LLGL2: variants seen among roughly 807,000 people sequenced by gnomAD.
LLGL2 encodes the protein LLGL scribble cell polarity complex component 2.
Under a neutral mutation model 123.2 loss-of-function variants are expected in LLGL2, and 81 were observed. That is an observed-to-expected ratio of 0.66 (90% CI 0.55 to 0.79). The LOEUF (loss-of-function observed/expected upper bound fraction) is 0.79. Ranked by LOEUF, LLGL2 falls within the 30% of genes least tolerant of loss-of-function variation. The pLI, the probability that LLGL2 is intolerant of heterozygous loss-of-function variation, is 0.00. For missense variants in LLGL2, 1,273 were observed against 1,414.6 expected, an observed-to-expected ratio of 0.90 and a Z score of 1.61; for synonymous variants, 577 against 594.1, an observed-to-expected ratio of 0.97 and a Z score of 0.42.
intron 2 of LLGL2, among the ~76,000 whole-genome samples, chr17:75,550,271 G>C (rs1433376671): frequency 6.6e-6 from 1 of 152,206 alleles, no homozygotes; most frequent in Non-Finnish European, 1.5e-5. Context: ...AGGCAGCCCT[G>C]GGGCTGAGCC....
chr17:75,539,423 T>TA (rs1308009962), intron 1 of LLGL2, among the ~76,000 whole-genome samples: 1 of 151,022 alleles, frequency 6.6e-6, no homozygotes, highest in African/African-American at 2.5e-5. Context: ...CTTTTTTTTT[T>TA]AGAGACAGGG....
intron 1 of LLGL2, among the ~76,000 whole-genome samples, chr17:75,540,526 G>T (rs1404766742): frequency 6.6e-6 from 1 of 152,200 alleles, no homozygotes; most frequent in East Asian, 1.9e-4. Context: ...CCAGCACCCT[G>T]TCAGCAGCGG....
chr17:75,562,390 C>T (rs2055260340), intron 6 of LLGL2: 1 of 155,012 alleles, frequency 6.5e-6, no homozygotes, highest in Non-Finnish European at 1.4e-5. Flanking sequence ...CTCCGGAGGT[C>T]TTATGCACCC....
chr17:75,549,337 T>A lies in LLGL2; in HGVS notation c.75+5836T>A, dbSNP rs2054564239. On this transcript the variant is annotated intron_variant, in intron 2 of 25. Transcript: ENST00000392550. The surrounding 1 kb of genome is among the most constrained non-coding windows in gnomAD (Gnocchi z 4.0). The stretch of plus-strand genomic sequence containing the variant: ...AGACAACTGCTCACAGCCAGCTCGC[T>A]CCCCTCGGCCAAACCCAGGCACACC... Among the ~76,000 whole-genome samples, 1 of 152,034 alleles carries A rather than the reference T, an allele frequency of 6.6e-6. No homozygotes were observed. The highest frequency in any genetic ancestry group is 2.1e-4 in the South Asian group (1 of 4,824).
At chr17:75,571,143 A>G (rs1328707073) in intron 17 of LLGL2, 43 bp downstream of exon 17, 2 of 1,531,368 alleles carry the variant, frequency 1.3e-6, no homozygotes, top group African/African-American at 2.7e-5. Context: ...GGTAGTGGGC[A>G]GCAGACACCC....
At chr17:75,552,753 G>A (rs114524736) in intron 2 of LLGL2, among the ~76,000 whole-genome samples, 2 of 152,186 alleles carry the variant, frequency 1.3e-5, no homozygotes, top group East Asian at 3.8e-4. Context: ...TCTAGAACCC[G>A]AGTTGTTCCA....
In LLGL2 at chr17:75,543,215, C is replaced by T. The variant is rs150206008; in HGVS notation, c.-30-182C>T. Reference sequence around the variant, plus strand: ...GACAGCCTTCAGCCCTGAGGTGGGCCGGCCTCTAGATCTGAGCGTGGGGAA... The same window carrying T: ...GACAGCCTTCAGCCCTGAGGTGGGCTGGCCTCTAGATCTGAGCGTGGGGAA... On this transcript the variant is annotated intron_variant, in intron 1 of 25. Coordinates refer to ENST00000392550, the MANE Select transcript of LLGL2 (RefSeq NM_001031803.2). The T allele has an allele frequency of 5.4e-3, 2,111 of 390,872 alleles. 16 individuals are homozygous for T. Among genetic ancestry groups the T allele is most frequent in the Non-Finnish European group, 7.0e-3 (1,515 of 217,110 alleles). The allele number at this position is 390,872 out of a possible 1,614,324, so 24.2% of individuals were successfully genotyped here.
At chr17:75,567,980 T>A in intron 10 of LLGL2, 44 of 671,204 alleles carry the variant, frequency 6.6e-5, no homozygotes, top group Admixed American at 1.2e-4. Flanking sequence ...AATGGTTTAA[T>A]CATCCAGCGC....
At chr17:75,563,489 G>T in intron 8 of LLGL2, 26 bp downstream of exon 8, 1 of 1,609,452 alleles carries the variant, frequency 6.2e-7, no homozygotes. Flanking sequence ...GCCGGGCAGG[G>T]CCCACCCCCA....
In LLGL2 at chr17:75,574,746, T is replaced by G. The variant is rs2147613856; in HGVS notation, c.3055+78T>G. On this transcript the variant is annotated intron_variant, in intron 25 of 25. Transcript: ENST00000392550. ...AGGAAGAGCCCCGGCCCCACTCCCC[T>G]GGGTCCCACGGGGCTGACACGTGCC... 5.6e-6 allele frequency: 9 copies of G among 1,595,124 alleles called. No homozygotes were observed. The South Asian group carries it at 9.9e-5, about 18-fold the overall frequency.
At chr17:75,573,432 G>A in intron 20 of LLGL2, 49 bp from the exon 21 acceptor site, 1 of 1,586,680 alleles carries the variant, frequency 6.3e-7, no homozygotes, top group East Asian at 2.3e-5. Flanking sequence ...TGGGGAGGCA[G>A]CCTTGGCAGC....
At chr17:75,539,339 G>A (rs1439888749) in intron 1 of LLGL2, among the ~76,000 whole-genome samples, 2 of 152,018 alleles carry the variant, frequency 1.3e-5, no homozygotes, top group African/African-American at 2.4e-5. Context: ...TTACAAGCAT[G>A]AGCCACTGTG....
Position 75,564,530 on chromosome 17 carries a change from T to C in LLGL2, c.1036+23T>C, listed in dbSNP as rs370788459. On this transcript the variant is annotated intron_variant, in intron 10 of 25. Coordinates refer to ENST00000392550, the MANE Select transcript of LLGL2 (RefSeq NM_001031803.2). The surrounding 1 kb of genome is among the most constrained non-coding windows in gnomAD (Gnocchi z 4.9). ...CCAGTAGGAGAGCTTCGGGAGTGGG[T>C]GCCCAGGGTTAGGTGTGGGAGGCAT... The C allele has an allele frequency of 2.7e-5, 44 of 1,612,574 alleles. No individual in the cohort carries two copies. The highest frequency in any genetic ancestry group is 3.6e-5 in the Non-Finnish European group (43 of 1,179,762).
At position 75,572,212 on chromosome 17, in the gene LLGL2, G is replaced by A. The variant is rs540104287; in HGVS notation, c.2460+148G>A. 8.4e-6 allele frequency: 7 copies of A among 831,196 alleles called. 1 individual carries two copies. In the South Asian group the frequency reaches 1.2e-4, roughly 14 times the overall value. 51.5% of individuals were successfully genotyped at this position (831,196 alleles called of 1,614,324 possible). On this transcript the variant is annotated intron_variant, in intron 19 of 25. Coordinates refer to ENST00000392550, the MANE Select transcript of LLGL2 (RefSeq NM_001031803.2). ...GAAGTACAGGAAATAAGTGAGGGGG[G>A]AGTCTCGTGTGAGGACACTGAGGCA... is the stretch of plus-strand genomic sequence containing the variant.
chr17:75,532,076 A>ACACACACACC (rs2053813267), intron 1 of LLGL2, among the ~76,000 whole-genome samples: 1 of 112,176 alleles, frequency 8.9e-6, no homozygotes, highest in African/African-American at 3.2e-5. Context: ...ACACACACAC[A>ACACACACACC]CTTTTTTTTT....
intron 14 of LLGL2, 23 bp downstream of exon 14, chr17:75,569,348 G>C: frequency 6.3e-7 from 1 of 1,578,272 alleles, no homozygotes; most frequent in Non-Finnish European, 8.7e-7. Flanking sequence ...GCTGGGGAGG[G>C]GGAGCTGGGG....
At position 75,558,862 on chromosome 17, in the gene LLGL2, CCCCG is replaced by C. The variant is rs2055052200; in HGVS notation, c.371+238_371+241del. 4 of 251,010 alleles carry C rather than the reference CCCCG, an allele frequency of 1.6e-5. No homozygotes were observed. The Admixed American group carries it at 1.8e-4, about 11-fold the overall frequency. The allele number at this position is 251,010 out of a possible 1,614,324, so 15.5% of individuals were successfully genotyped here. On this transcript the variant is annotated intron_variant, in intron 5 of 25. Transcript: ENST00000392550. This position sits in a 1 kb window ranked among gnomAD's most constrained non-coding sequence, Gnocchi z 4.0. ...CCGCACCCCACCTCCTCCATCCGCA[CCCCG>C]CCTCCTCCATCCGCACCCCACCTCC...
chr17:75,546,875 C>T (rs1032627517), intron 2 of LLGL2, among the ~76,000 whole-genome samples: 2 of 151,760 alleles, frequency 1.3e-5, no homozygotes, highest in African/African-American at 4.8e-5. Flanking sequence ...GTCCAGCGGA[C>T]GGTGGGATAC....
chr17:75,526,277 C>A (rs1267026841), intron 1 of LLGL2, among the ~76,000 whole-genome samples: 1 of 152,160 alleles, frequency 6.6e-6, no homozygotes, highest in Non-Finnish European at 1.5e-5. Flanking sequence ...CCCCTGCCAT[C>A]TGGGCTGTGT....
Sources: allele counts gnomAD v4.1 joint callset (sites outside exome capture counted in the v4.1 genomes callset), GRCh38; gene constraint gnomAD v4.1.1; non-coding constraint Gnocchi (gnomAD v3.1); transcripts MANE v1.5; gene names NCBI Gene and HGNC (gene_info 2026-07-23, HGNC 2026-07-21).